The following MYO1E variants were observed in gnomAD, a reference collection of about 807,000 sequenced individuals.
MYO1E encodes unconventional myosin-Ie.
Under a neutral mutation model 151.1 loss-of-function variants are expected in MYO1E, and 68 were observed. That is an observed-to-expected ratio of 0.45 (90% CI 0.37 to 0.55). MYO1E has a LOEUF of 0.55. MYO1E is among the 20% of genes least tolerant of loss of function. The pLI is 0.00. For missense variants in MYO1E, 1,363 were observed against 1,389.3 expected (o/e 0.98, Z 0.30); for synonymous variants, 601 against 501.7 (o/e 1.20, Z -2.64).
At chr15:59,286,243 G>A (rs1265708908) in intron 1 of MYO1E, among the ~76,000 whole-genome samples, 3 of 152,198 alleles carry the variant, frequency 2.0e-5, no homozygotes, top group Non-Finnish European at 2.9e-5. Flanking sequence ...CTCCTATACT[G>A]CTTGCAAAAT....
chr15:59,219,153 A>G (rs1290084856), intron 9 of MYO1E, among the ~76,000 whole-genome samples: 1 of 152,138 alleles, frequency 6.6e-6, no homozygotes, highest in Admixed American at 6.5e-5. Context: ...GGATAGAAAA[A>G]CGGAGACTTC....
chr15:59,144,619 A>G (rs150610926), intron 26 of MYO1E, among the ~76,000 whole-genome samples: 3 of 151,972 alleles, frequency 2.0e-5, no homozygotes, highest in East Asian at 1.9e-4. Context: ...TGATTCTAGG[A>G]AAGTTTTACA....
intron 1 of MYO1E, among the ~76,000 whole-genome samples, chr15:59,291,187 A>C (rs1055303842): frequency 2.0e-5 from 3 of 152,258 alleles, no homozygotes; most frequent in Non-Finnish European, 4.4e-5. Flanking sequence ...TCCCAAGTGC[A>C]CAAAAGTCTC....
At chr15:59,171,553 A>AG (rs1402301520) in intron 22 of MYO1E, among the ~76,000 whole-genome samples, 1 of 152,190 alleles carries the variant, frequency 6.6e-6, no homozygotes, top group Non-Finnish European at 1.5e-5. Context: ...ACTGGGGGAC[A>AG]GGGCTCTGAA....
intron 1 of MYO1E, among the ~76,000 whole-genome samples, chr15:59,303,528 A>G (rs2080496073): frequency 6.6e-6 from 1 of 152,202 alleles, no homozygotes; most frequent in Non-Finnish European, 1.5e-5. Flanking sequence ...GACTCTGTCT[A>G]AAAATAAAGA....
chr15:59,172,267 G>A (rs1301771857), intron 21 of MYO1E, among the ~76,000 whole-genome samples: 1 of 152,204 alleles, frequency 6.6e-6, no homozygotes, highest in South Asian at 2.1e-4. Flanking sequence ...TGAGGCAGGA[G>A]AATCGCTTTA....
At chr15:59,291,195 C>A (rs767872602) in intron 1 of MYO1E, among the ~76,000 whole-genome samples, 2 of 152,230 alleles carry the variant, frequency 1.3e-5, no homozygotes, top group Non-Finnish European at 2.9e-5. Context: ...GCACAAAAGT[C>A]TCTTTCTACC....
At chr15:59,225,447 G>A (rs371299027) in intron 7 of MYO1E, among the ~76,000 whole-genome samples, 4 of 152,014 alleles carry the variant, frequency 2.6e-5, no homozygotes, top group African/African-American at 7.2e-5. Context: ...TGTCGATGTC[G>A]CCCTGAGGCT....
intron 1 of MYO1E, among the ~76,000 whole-genome samples, chr15:59,368,375 CCGAGGCAGGAGGA>C (rs1250403513): frequency 6.6e-6 from 1 of 152,066 alleles, no homozygotes; most frequent in African/African-American, 2.4e-5. Flanking sequence ...CTTTGGGAGG[CCGAGGCAGGAGGA>C]TCACGAGGTC....
chr15:59,206,243 G>A (rs1379216742), intron 14 of MYO1E, among the ~76,000 whole-genome samples: 1 of 152,166 alleles, frequency 6.6e-6, no homozygotes, highest in Non-Finnish European at 1.5e-5. Context: ...CCAGCAAGAG[G>A]CAAGACGAAA....
chr15:59,369,949 C>A (rs1483437257), intron 1 of MYO1E, among the ~76,000 whole-genome samples: 1 of 152,000 alleles, frequency 6.6e-6, no homozygotes, highest in Non-Finnish European at 1.5e-5. Context: ...TATAGCCCAG[C>A]CAAGGGCCTT....
chr15:59,167,551 G>T (rs1481164545), intron 22 of MYO1E, among the ~76,000 whole-genome samples: 3 of 152,192 alleles, frequency 2.0e-5, no homozygotes, highest in Non-Finnish European at 4.4e-5. Flanking sequence ...ATGGCCTTCT[G>T]CCAGCAGCCA....
At chr15:59,176,339 C>T (rs774399160) in intron 19 of MYO1E, among the ~76,000 whole-genome samples, 10 of 151,988 alleles carry the variant, frequency 6.6e-5, no homozygotes, top group Non-Finnish European at 1.5e-4. Flanking sequence ...GGATTACAGG[C>T]GTGAGCCACT....
At chr15:59,261,568 T>A in intron 2 of MYO1E, 59 bp from the exon 3 acceptor site, 1 of 1,118,712 alleles carries the variant, frequency 8.9e-7, no homozygotes, top group Non-Finnish European at 1.4e-6. Flanking sequence ...TTTTTCAAAT[T>A]AAGTAACCAG....
At position 59,208,741 on chromosome 15, in the gene MYO1E, C is replaced by T; in HGVS notation, c.1470G>A (p.Gly490=). Residue 490 remains glycine, a synonymous_variant, in exon 14 of 28, where the codon GGG becomes GGA. Transcript: ENST00000288235. ...TLLQKLQMQI[G]SHEHFNSWNQ... ...TCCAACTGTTGAAGTGCTCATGACT[C>T]CCAATCTGCATCTGAAGTTTCTGGA... is the stretch of plus-strand genomic sequence containing the variant. 1 of 1,614,186 alleles carries T rather than the reference C, an allele frequency of 6.2e-7. No homozygotes were observed. The highest frequency in any genetic ancestry group is 8.5e-7 in the Non-Finnish European group (1 of 1,180,022).
rs771611192 is a variant in MYO1E, at chr15:59,261,403, T to G, written c.237+17A>C. The stretch of plus-strand genomic sequence containing the variant: ...AAGCCCTAAATAAGGCAGTAATTTA[T>G]GTGACACGTAACTTACCGCTCCTTG... On this transcript the variant is annotated intron_variant, in intron 3 of 27. Transcript: ENST00000288235. The G allele has an allele frequency of 1.3e-5, 21 of 1,559,122 alleles. No homozygotes were observed. The highest frequency in any genetic ancestry group is 1.8e-5 in the Non-Finnish European group (20 of 1,130,162).
At chr15:59,225,847 T>C (rs2079987535) in intron 7 of MYO1E, among the ~76,000 whole-genome samples, 2 of 152,068 alleles carry the variant, frequency 1.3e-5, no homozygotes, top group South Asian at 2.1e-4. Context: ...AGGGTTTCAC[T>C]GTGTTAGCCA....
chr15:59,353,763 A>G (rs1213653705), intron 1 of MYO1E, among the ~76,000 whole-genome samples: 3 of 151,790 alleles, frequency 2.0e-5, no homozygotes, highest in Non-Finnish European at 2.9e-5. Flanking sequence ...GTCTCAAAAA[A>G]AAAAAAAAAC....
At chr15:59,282,303 C>CA (rs1384979725) in intron 1 of MYO1E, among the ~76,000 whole-genome samples, 1 of 152,166 alleles carries the variant, frequency 6.6e-6, no homozygotes, top group Non-Finnish European at 1.5e-5. Context: ...TCAGGGCTCC[C>CA]AAGCCCCCTG....
Sources: allele counts gnomAD v4.1 joint callset (sites outside exome capture counted in the v4.1 genomes callset), GRCh38; gene constraint gnomAD v4.1.1; transcripts MANE v1.5; gene names NCBI Gene and HGNC (gene_info 2026-07-23, HGNC 2026-07-21).